The following YJU2 variants were observed in gnomAD, a reference collection of about 807,000 sequenced individuals.
YJU2 encodes YJU2 splicing factor homolog, also known as splicing factor YJU2.
YJU2 carries 28 observed loss-of-function variants against 39.6 expected under a neutral mutation model. That is an observed-to-expected ratio of 0.71 (90% CI 0.52 to 0.97). YJU2 has a LOEUF of 0.97. YJU2 is among the 50% of genes least tolerant of loss of function. The pLI is 0.00. For synonymous variants in YJU2, 184 were observed against 182.4 expected, an observed-to-expected ratio of 1.01 and a Z score of -0.07; for missense variants, 328 against 430.4, an observed-to-expected ratio of 0.76 and a Z score of 2.11.
intron 1 of YJU2, chr19:4,247,473 T>G: frequency 3.9e-6 from 1 of 258,144 alleles, no homozygotes; most frequent in Non-Finnish European, 7.6e-6. Flanking sequence ...CCTTAAATGC[T>G]GGCGGCCGTG....
intron 6 of YJU2, among the ~76,000 whole-genome samples, chr19:4,266,647 C>T (rs1971117567): frequency 6.6e-6 from 1 of 152,104 alleles, no homozygotes; most frequent in South Asian, 2.1e-4. Context: ...ATTGGGACTT[C>T]CTTAACCCAG....
In YJU2 at chr19:4,268,736, C is replaced by G; in HGVS notation, c.*40C>G. 7.1e-7 allele frequency: 1 copy of G among 1,405,772 alleles called. No homozygotes were observed. The highest frequency in any genetic ancestry group is 1.0e-6 in the Non-Finnish European group (1 of 1,004,464). The allele number at this position is 1,405,772 out of a possible 1,614,324, so 87.1% of individuals were successfully genotyped here. On this transcript the variant is annotated 3_prime_UTR_variant, in exon 8 of 8. Transcript: ENST00000262962. ...CCCTCACGGGGTCAAAGTCACACGT[C>G]CAGCTTCAGCCACATTGAGGCCAGC...
chr19:4,247,368 T>G, intron 1 of YJU2, 198 bp downstream of exon 1: 1 of 564,250 alleles, frequency 1.8e-6, no homozygotes, highest in Admixed American at 3.4e-5. Flanking sequence ...TAAGTCTCCC[T>G]TCTGGGCTGG....
At chr19:4,258,568 G>A (rs1971043067) in intron 5 of YJU2, 145 bp downstream of exon 5, 3 of 1,340,458 alleles carry the variant, frequency 2.2e-6, no homozygotes, top group Non-Finnish European at 2.0e-6. Context: ...TTTCTCCCTT[G>A]TGGCGTCTCT....
At chr19:4,268,104 C>T (rs1599504684) in intron 7 of YJU2, among the ~76,000 whole-genome samples, 1 of 151,838 alleles carries the variant, frequency 6.6e-6, no homozygotes. Context: ...GCACCACGCC[C>T]GGCTAAATTT....
chr19:4,259,693 A>G (rs376961665), intron 5 of YJU2, among the ~76,000 whole-genome samples: 1 of 151,532 alleles, frequency 6.6e-6, no homozygotes, highest in Non-Finnish European at 1.5e-5. Flanking sequence ...AATGCCTTTG[A>G]CGCCGACCAC....
chr19:4,255,118 G>A (rs1599498215), intron 4 of YJU2, among the ~76,000 whole-genome samples: 1 of 151,386 alleles, frequency 6.6e-6, no homozygotes, highest in East Asian at 1.9e-4. Flanking sequence ...CAGCTACTTG[G>A]GAGGCTGAGG....
intron 5 of YJU2, 39 bp downstream of exon 5, chr19:4,258,462 C>T: frequency 6.5e-7 from 1 of 1,545,732 alleles, no homozygotes; most frequent in Non-Finnish European, 8.7e-7. Flanking sequence ...CACCTCGCAG[C>T]CTCTGCCCCG....
chr19:4,266,935 C>A (rs1971120053), intron 6 of YJU2, among the ~76,000 whole-genome samples: 1 of 152,154 alleles, frequency 6.6e-6, no homozygotes, highest in South Asian at 2.1e-4. Context: ...CCACTGCACT[C>A]CAGCCTGGGC....
At chr19:4,255,443 G>A (rs55873430) in intron 4 of YJU2, among the ~76,000 whole-genome samples, 56,222 of 151,586 alleles carry the variant, frequency 0.37, 11,319 homozygotes, top group African/African-American at 0.53. Flanking sequence ...AATTAGCCAG[G>A]TGCTTGCCAG....
intron 5 of YJU2, among the ~76,000 whole-genome samples, chr19:4,259,925 G>A (rs993519633): frequency 1.3e-4 from 20 of 152,242 alleles, no homozygotes; most frequent in Admixed American, 7.2e-4. Flanking sequence ...TGCACCTTCC[G>A]GGTGCCGGGC....
intron 4 of YJU2, among the ~76,000 whole-genome samples, chr19:4,257,665 G>T (rs552664384): frequency 6.6e-6 from 1 of 152,074 alleles, no homozygotes; most frequent in Non-Finnish European, 1.5e-5. Context: ...GTAGAGATGG[G>T]GTTTCGTCAT....
chr19:4,253,757 T>C (rs1970996838), intron 3 of YJU2, among the ~76,000 whole-genome samples: 1 of 152,068 alleles, frequency 6.6e-6, no homozygotes. Flanking sequence ...GTACATGTGA[T>C]TTATAATCAA....
intron 1 of YJU2, chr19:4,247,480 C>A (rs1970929059): frequency 8.8e-6 from 2 of 226,770 alleles, no homozygotes; most frequent in Non-Finnish European, 8.8e-6. Flanking sequence ...TGCTGGCGGC[C>A]GTGTTTTGCC....
intron 4 of YJU2, among the ~76,000 whole-genome samples, chr19:4,256,481 G>T (rs1041233307): frequency 6.6e-6 from 1 of 152,086 alleles, no homozygotes; most frequent in African/African-American, 2.4e-5. Context: ...CTGTCTGTGT[G>T]TGAATTTAGT....
rs1273817549 is a variant in YJU2 at position 4,256,184 on chromosome 19, AT to A, written c.405+1696del. ...AAGACTGTCGCAAAAAAAAAAAAAT[AT>A]ATATATATATATATATATATATGTA... is the stretch of plus-strand genomic sequence containing the variant. On this transcript the variant is annotated intron_variant, in intron 4 of 7. Coordinates refer to ENST00000262962, the MANE Select transcript of YJU2 (RefSeq NM_018074.6). Among the ~76,000 whole-genome samples the A allele has an allele frequency of 4.0e-3, 420 of 105,420 alleles. 5 individuals carry two copies. The highest frequency in any genetic ancestry group is 0.021 in the African/African-American group (374 of 17,542). 69.2% of individuals were successfully genotyped at this position (105,420 alleles called of 152,430 possible).
At position 4,268,823 on chromosome 19, in the gene YJU2, C is replaced by T. The variant is rs1422184407; in HGVS notation, c.*127C>T. 1.8e-5 allele frequency: 12 copies of T among 682,666 alleles called. No individual in the cohort carries two copies. The highest frequency in any genetic ancestry group is 3.6e-5 in the African/African-American group (2 of 56,010). 42.3% of individuals were successfully genotyped at this position (682,666 alleles called of 1,614,324 possible). ...TGGAGGCCGGACAGACAAGCGCCAG[C>T]GTGCTCCAACACATAGGGCCACCAG... is the stretch of plus-strand genomic sequence containing the variant. On this transcript the variant is annotated 3_prime_UTR_variant, in exon 8 of 8. Coordinates refer to ENST00000262962, the MANE Select transcript of YJU2 (RefSeq NM_018074.6).
rs558484407 is a variant in YJU2 at position 4,262,293 on chromosome 19, G to C, written c.708+179G>C. On this transcript the variant is annotated intron_variant, in intron 6 of 7. Transcript: ENST00000262962. ...GGCTCACTGCAACCTCTGCCTCCCA[G>C]GTTCAAGCGATTCTCCTGCCTCAGC... Among the ~76,000 whole-genome samples the C allele has an allele frequency of 4.6e-5, 7 of 152,312 alleles. No homozygotes were observed. The East Asian group carries it at 1.2e-3, about 25-fold the overall frequency.
chr19:4,261,319 C>T (rs1308798512), intron 5 of YJU2, among the ~76,000 whole-genome samples: 2 of 152,090 alleles, frequency 1.3e-5, no homozygotes, highest in South Asian at 4.2e-4. Flanking sequence ...GGCGAAACCC[C>T]GCCTCTACTA....
Sources: gnomAD v4.1 joint callset for allele counts (sites outside exome capture counted in the v4.1 genomes callset) on GRCh38, gnomAD v4.1.1 for gene constraint, MANE v1.5 for transcripts, NCBI Gene and HGNC (gene_info 2026-07-23, HGNC 2026-07-21) for gene names.